Variants in KCNN3 observed in about 807,000 individuals in gnomAD.
The protein encoded by KCNN3 is potassium calcium-activated channel subfamily N member 3, also known as small conductance calcium-activated potassium channel protein 3.
In KCNN3, 16 loss-of-function variants were observed where a neutral mutation model predicts 62.9. That is an observed-to-expected ratio of 0.25 (90% CI 0.17 to 0.39). The LOEUF is 0.39. Among genes scored for constraint, KCNN3 ranks in the 10% least tolerant of loss-of-function variants. KCNN3 has a pLI of 1.00. For missense variants in KCNN3, 599 were observed against 949.4 expected (o/e 0.63, Z 4.85); for synonymous variants, 370 against 389.2 (o/e 0.95, Z 0.58).
intron 2 of KCNN3, among the ~76,000 whole-genome samples, chr1:154,781,894 G>A (rs1474420537): frequency 2.0e-5 from 3 of 152,148 alleles, no homozygotes; most frequent in African/African-American, 7.2e-5. Context: ...TAATTTTAGA[G>A]AGTGATGCCT....
intron 4 of KCNN3, among the ~76,000 whole-genome samples, chr1:154,730,187 C>T (rs956143611): frequency 2.0e-5 from 3 of 152,240 alleles, no homozygotes; most frequent in Non-Finnish European, 4.4e-5. Context: ...AGATGCTGGA[C>T]TTTAATGTAG....
chr1:154,784,636 G>C (rs1156753490), intron 2 of KCNN3, among the ~76,000 whole-genome samples: 1 of 152,220 alleles, frequency 6.6e-6, no homozygotes, highest in Non-Finnish European at 1.5e-5. Flanking sequence ...AGCTGGAGAA[G>C]GATGGCCAGA....
intron 1 of KCNN3, among the ~76,000 whole-genome samples, chr1:154,826,450 A>C (rs1651134694): frequency 6.6e-6 from 1 of 152,232 alleles, no homozygotes; most frequent in Non-Finnish European, 1.5e-5. Flanking sequence ...GAAGTTAGGT[A>C]ACTTGTCCAA....
At chr1:154,840,907 T>A (rs746476012) in intron 1 of KCNN3, among the ~76,000 whole-genome samples, 1 of 152,212 alleles carries the variant, frequency 6.6e-6, no homozygotes, top group African/African-American at 2.4e-5. Context: ...GAATCCAGAC[T>A]GAGTGTGTGC....
At chr1:154,744,152 AG>A (rs1474301887) in intron 3 of KCNN3, among the ~76,000 whole-genome samples, 2 of 152,186 alleles carry the variant, frequency 1.3e-5, no homozygotes, top group Non-Finnish European at 2.9e-5. Flanking sequence ...TTACAATATA[AG>A]GTTCATGGAG....
chr1:154,783,469 C>T (rs1326831027), intron 2 of KCNN3, among the ~76,000 whole-genome samples: 1 of 149,672 alleles, frequency 6.7e-6, no homozygotes, highest in Admixed American at 6.7e-5. Context: ...TCCTCCTCTT[C>T]CCGCCAGTGA....
chr1:154,826,252 A>G (rs749625034), intron 1 of KCNN3, among the ~76,000 whole-genome samples: 11 of 152,152 alleles, frequency 7.2e-5, no homozygotes, highest in Admixed American at 3.3e-4. Context: ...AAATATGTCA[A>G]TAGAATTCCT....
intron 5 of KCNN3, among the ~76,000 whole-genome samples, chr1:154,723,669 C>T (rs1441636067): frequency 1.3e-5 from 2 of 152,072 alleles, no homozygotes; most frequent in Admixed American, 6.6e-5. Flanking sequence ...ATATTCTTGG[C>T]TTAAAAAAGA....
At chr1:154,754,039 G>A (rs1252074389) in intron 3 of KCNN3, among the ~76,000 whole-genome samples, 3 of 152,206 alleles carry the variant, frequency 2.0e-5, no homozygotes, top group Non-Finnish European at 4.4e-5. Context: ...ATGTAGGAAT[G>A]CAAAGTATCA....
intron 3 of KCNN3, among the ~76,000 whole-genome samples, chr1:154,755,857 AAGAAGAAGGAAGAGGAAGATGAGG>A: frequency 7.2e-6 from 1 of 139,332 alleles, no homozygotes; most frequent in African/African-American, 2.7e-5. Context: ...AGGAAGAAGG[AAGAAGAAGGAAGAGGAAGATGAGG>A]AGGAAGAGGA....
At chr1:154,776,261 G>C (rs181834722) in intron 2 of KCNN3, among the ~76,000 whole-genome samples, 146 of 152,320 alleles carry the variant, frequency 9.6e-4, no homozygotes, top group Admixed American at 5.6e-3. Context: ...TCCAACAGGG[G>C]AACACTGACT....
At position 154,869,227 on chromosome 1, in the gene KCNN3, G is replaced by A; in HGVS notation, c.738C>T (p.Ala246=). The change falls in exon 1 of 8, where the codon GCC becomes GCT. Residue 246 remains alanine, a synonymous_variant. Coordinates refer to ENST00000271915, the MANE Select transcript of KCNN3 (RefSeq NM_002249.6). This position sits in a 1 kb window ranked among gnomAD's most constrained non-coding sequence, Gnocchi z 6.1. The part of the protein sequence containing the change: ...HPNATHNHQH[A]GTTASSTTFP... Reference sequence around the variant, plus strand: ...AGGTGGTGCTGCTGGCGGTGGTGCCGGCATGCTGGTGGTTGTGGGTGGCAT... The same window carrying A: ...AGGTGGTGCTGCTGGCGGTGGTGCCAGCATGCTGGTGGTTGTGGGTGGCAT... 1 of 1,612,822 alleles carries A rather than the reference G, an allele frequency of 6.2e-7. No homozygotes were observed. The highest frequency in any genetic ancestry group is 8.5e-7 in the Non-Finnish European group (1 of 1,179,468).
intron 2 of KCNN3, among the ~76,000 whole-genome samples, chr1:154,780,940 CT>C (rs1274769985): frequency 4.6e-5 from 7 of 152,194 alleles, no homozygotes; most frequent in African/African-American, 1.7e-4. Flanking sequence ...AAACAAGATG[CT>C]TAGGGCGTTG....
chr1:154,721,864 T>C (rs961918557), intron 5 of KCNN3, among the ~76,000 whole-genome samples: 3 of 151,276 alleles, frequency 2.0e-5, no homozygotes, highest in Non-Finnish European at 4.4e-5. Flanking sequence ...TATTATCTAG[T>C]AGCCCAGAGA....
At chr1:154,731,505 C>T (rs950406083) in intron 4 of KCNN3, among the ~76,000 whole-genome samples, 3 of 152,202 alleles carry the variant, frequency 2.0e-5, no homozygotes, top group Non-Finnish European at 4.4e-5. Context: ...CAATATCAGC[C>T]CCAGGAAGCC....
rs1482790012 is a variant in KCNN3 at position 154,809,457 on chromosome 1, G to A, written c.1029+12632C>T. On this transcript the variant is annotated intron_variant, in intron 2 of 7. Coordinates refer to ENST00000271915, the MANE Select transcript of KCNN3 (RefSeq NM_002249.6). The surrounding 1 kb of genome is among the most constrained non-coding windows in gnomAD (Gnocchi z 4.3). ...TCACAGGAGGCCACAAAACTTTTAA[G>A]ATGAAAAAGATTTGCAAATCCTTGA... is the stretch of plus-strand genomic sequence containing the variant. 2.6e-5 allele frequency among the ~76,000 whole-genome samples: 4 copies of A among 152,192 alleles called. No homozygotes were observed. Among genetic ancestry groups the A allele is most frequent in the Non-Finnish European group, 5.9e-5 (4 of 68,022 alleles).
At position 154,772,751 on chromosome 1, in the gene KCNN3, T is replaced by A. The variant is rs867790523; in HGVS notation, c.1030-358A>T. On this transcript the variant is annotated intron_variant, in intron 2 of 7. Transcript: ENST00000271915. This position sits in a 1 kb window ranked among gnomAD's most constrained non-coding sequence, Gnocchi z 5.6. ...CGCTCGGAATTTCCAAAGTGATAAGTGTCATTTGTATGCTAATGAGATGAC... is the reference window on the plus strand; with the variant it reads ...CGCTCGGAATTTCCAAAGTGATAAGAGTCATTTGTATGCTAATGAGATGAC... 2.0e-5 allele frequency among the ~76,000 whole-genome samples: 3 copies of A among 152,130 alleles called. No individual in the cohort carries two copies. The highest frequency in any genetic ancestry group is 2.0e-4 in the Admixed American group (3 of 15,276).
At chr1:154,724,140 A>C (rs1700412798) in intron 5 of KCNN3, among the ~76,000 whole-genome samples, 1 of 152,230 alleles carries the variant, frequency 6.6e-6, no homozygotes, top group Admixed American at 6.5e-5. Flanking sequence ...AGAATCCAAT[A>C]AATGTAATCA....
chr1:154,759,462 C>T (rs1647899265), intron 3 of KCNN3, among the ~76,000 whole-genome samples: 2 of 152,216 alleles, frequency 1.3e-5, no homozygotes, highest in Non-Finnish European at 2.9e-5. Context: ...ATGTGGCTGA[C>T]GTCACTTACA....
Sources: allele counts gnomAD v4.1 joint callset (sites outside exome capture counted in the v4.1 genomes callset), GRCh38; gene constraint gnomAD v4.1.1; non-coding constraint Gnocchi (gnomAD v3.1); transcripts MANE v1.5; gene names NCBI Gene and HGNC (gene_info 2026-07-23, HGNC 2026-07-21).